The following PTPRM variants were observed in gnomAD, a reference collection of about 807,000 sequenced individuals.
PTPRM encodes protein tyrosine phosphatase receptor type M, also known as receptor-type tyrosine-protein phosphatase mu.
In PTPRM, 47 loss-of-function variants were observed where a neutral mutation model predicts 186.7. The observed-to-expected ratio is 0.25, with a 90% CI of 0.20 to 0.32. The LOEUF (loss-of-function observed/expected upper bound fraction) is 0.32, where lower values mean the gene tolerates loss of function less well. PTPRM is among the 10% of genes least tolerant of loss of function. PTPRM has a pLI of 1.00. For synonymous variants in PTPRM, 668 were observed against 674.9 expected, an observed-to-expected ratio of 0.99 and a Z score of 0.16; for missense variants, 1,494 against 1,865.0, an observed-to-expected ratio of 0.80 and a Z score of 3.66.
chr18:8,269,777 G>T (rs1489521360), intron 19 of PTPRM, among the ~76,000 whole-genome samples: 2 of 151,870 alleles, frequency 1.3e-5, no homozygotes, highest in African/African-American at 4.8e-5. Flanking sequence ...AAGAATACAC[G>T]ATGGGGAAAG....
intron 11 of PTPRM, among the ~76,000 whole-genome samples, chr18:8,102,422 A>G (rs374376187): frequency 1.3e-4 from 20 of 152,356 alleles, no homozygotes; most frequent in African/African-American, 4.6e-4. Context: ...TCAGTGCGTT[A>G]TCAACTATGT....
At chr18:8,257,723 C>T (rs1011591442) in intron 19 of PTPRM, among the ~76,000 whole-genome samples, 5 of 152,178 alleles carry the variant, frequency 3.3e-5, no homozygotes, top group Admixed American at 6.5e-5. Flanking sequence ...ATCCCATCGG[C>T]CTTTCTGGTC....
intron 7 of PTPRM, among the ~76,000 whole-genome samples, chr18:8,039,521 G>A (rs554493494): frequency 1.4e-4 from 21 of 152,076 alleles, no homozygotes; most frequent in African/African-American, 2.9e-4. Flanking sequence ...GCTAAGTTCC[G>A]TATTTTTCGT....
At position 8,119,972 on chromosome 18, in the gene PTPRM, T is replaced by A. The variant is rs181250623; in HGVS notation, c.2167+5145T>A. ...GAATATCACCAAACTTAGTGATAAT[T>A]CTCTTTTATAATGCATCTTTATTGA... On this transcript the variant is annotated intron_variant, in intron 13 of 32. Transcript: ENST00000580170. Among the ~76,000 whole-genome samples the A allele has an allele frequency of 4.6e-3, 701 of 152,294 alleles. 3 individuals are homozygous for A. Among genetic ancestry groups the A allele is most frequent in the South Asian group, 8.1e-3 (39 of 4,822 alleles).
rs2095658872 is a variant in PTPRM, at chr18:8,370,825, C to T, written c.3055-65C>T. ...TTGTCCTATAAATCATAGTGTGACC[C>T]ATCATGGGAGGAACTCCAAAAAAAC... is the stretch of plus-strand genomic sequence containing the variant. On this transcript the variant is annotated intron_variant, in intron 23 of 32. Coordinates refer to ENST00000580170, the MANE Select transcript of PTPRM (RefSeq NM_001105244.2). 3.4e-6 allele frequency: 3 copies of T among 884,570 alleles called. No individual in the cohort carries two copies. In the Admixed American group the frequency reaches 6.9e-5, roughly 20 times the overall value. 54.8% of individuals were successfully genotyped at this position (884,570 alleles called of 1,614,324 possible).
intron 7 of PTPRM, among the ~76,000 whole-genome samples, chr18:8,011,829 CT>C (rs2084547907): frequency 1.3e-5 from 2 of 152,156 alleles, no homozygotes; most frequent in Admixed American, 1.3e-4. Context: ...TTACCTGTGC[CT>C]TTTAGAAGGG....
At chr18:7,629,302 G>C (rs993682789) in intron 1 of PTPRM, among the ~76,000 whole-genome samples, 4 of 152,200 alleles carry the variant, frequency 2.6e-5, no homozygotes, top group Admixed American at 6.5e-5. Context: ...ATTTAGCCTC[G>C]TGGATGTGGT....
At chr18:7,801,650 A>G (rs923292983) in intron 2 of PTPRM, among the ~76,000 whole-genome samples, 14 of 152,200 alleles carry the variant, frequency 9.2e-5, no homozygotes, top group Non-Finnish European at 1.8e-4. Flanking sequence ...TACATGATGC[A>G]TGTTCTGTAT....
intron 14 of PTPRM, among the ~76,000 whole-genome samples, chr18:8,191,417 G>A (rs2093708247): frequency 6.6e-6 from 1 of 152,150 alleles, no homozygotes; most frequent in Non-Finnish European, 1.5e-5. Flanking sequence ...TGACACGCAG[G>A]AGAAGCATCT....
intron 7 of PTPRM, among the ~76,000 whole-genome samples, chr18:7,979,054 A>C (rs542384113): frequency 1.1e-3 from 174 of 152,170 alleles, no homozygotes; most frequent in African/African-American, 3.9e-3. Flanking sequence ...TGGGTCTTTA[A>C]TTTCATTCCT....
In PTPRM at chr18:7,567,897, C is replaced by G; in HGVS notation, c.73+6C>G. 1.3e-6 allele frequency: 2 copies of G among 1,549,584 alleles called. No individual in the cohort carries two copies. Among genetic ancestry groups the G allele is most frequent in the Non-Finnish European group, 8.7e-7 (1 of 1,154,866 alleles). On this transcript the variant is annotated splice_donor_region_variant and intron_variant, in intron 1 of 32. Transcript: ENST00000580170. This position sits in a 1 kb window ranked among gnomAD's most constrained non-coding sequence, Gnocchi z 4.3. ...GGCGGGCGAGACGTTCTCAGGTAAG[C>G]GGGACCGCCTCTGCCGCCCCCGAGG...
intron 2 of PTPRM, among the ~76,000 whole-genome samples, chr18:7,850,663 A>C (rs531655804): frequency 3.6e-4 from 55 of 152,342 alleles, no homozygotes; most frequent in African/African-American, 1.3e-3. Flanking sequence ...GATTTCTCAC[A>C]GTGACTGAAG....
intron 22 of PTPRM, 131 bp downstream of exon 22, chr18:8,319,345 CTT>C: frequency 1.7e-6 from 1 of 597,636 alleles, no homozygotes; most frequent in Non-Finnish European, 2.9e-6. Context: ...CAGGTACACT[CTT>C]GCCTTCCCAT....
chr18:7,700,020 G>C (rs189802053), intron 1 of PTPRM, among the ~76,000 whole-genome samples: 3 of 152,162 alleles, frequency 2.0e-5, no homozygotes, highest in Admixed American at 2.0e-4. Flanking sequence ...TGCTGCCTTT[G>C]TAATGGAAAA....
chr18:8,070,775 C>T (rs7236843), intron 8 of PTPRM, among the ~76,000 whole-genome samples: 3,861 of 152,214 alleles, frequency 0.025, 157 homozygotes, highest in African/African-American at 0.088. Flanking sequence ...ACCTAAAAAT[C>T]ATTTTTCCGG....
At chr18:7,586,752 A>G (rs76648363) in intron 1 of PTPRM, among the ~76,000 whole-genome samples, 1,624 of 152,350 alleles carry the variant, frequency 0.011, 27 homozygotes, top group African/African-American at 0.037. Flanking sequence ...TGAAATTTGC[A>G]TGACATAAAC....
At chr18:8,387,770 G>GCA (rs5823009) in intron 31 of PTPRM, among the ~76,000 whole-genome samples, 3 of 20,526 alleles carry the variant, frequency 1.5e-4, no homozygotes, top group African/African-American at 3.9e-4. Context: ...GTGTGTGCGC[G>GCA]CGCGTGCATG....
intron 19 of PTPRM, among the ~76,000 whole-genome samples, chr18:8,272,208 T>TTAAA (rs1478596683): frequency 2.6e-5 from 2 of 76,142 alleles, no homozygotes; most frequent in Non-Finnish European, 2.9e-5. Flanking sequence ...TCTGCCTCAA[T>TTAAA]AAAAAAAAAA....
chr18:8,346,818 A>T (rs1167737068), intron 23 of PTPRM, among the ~76,000 whole-genome samples: 4 of 149,464 alleles, frequency 2.7e-5, no homozygotes, highest in African/African-American at 9.9e-5. Context: ...GAAAAAAAAA[A>T]GGCCAACTCC....
Sources: allele counts gnomAD v4.1 joint callset (sites outside exome capture counted in the v4.1 genomes callset), GRCh38; gene constraint gnomAD v4.1.1; non-coding constraint Gnocchi (gnomAD v3.1); transcripts MANE v1.5; gene names NCBI Gene and HGNC (gene_info 2026-07-23, HGNC 2026-07-21).